TNFRSF19: variants seen among roughly 807,000 people sequenced by gnomAD.
The protein encoded by TNFRSF19 is tumor necrosis factor receptor superfamily member 19.
TNFRSF19 carries 27 observed loss-of-function variants against 46.4 expected under a neutral mutation model. That is an observed-to-expected ratio of 0.58 (90% CI 0.43 to 0.80). The LOEUF is 0.80. TNFRSF19 is among the 30% of genes least tolerant of loss of function. TNFRSF19 has a pLI of 0.00. For synonymous variants in TNFRSF19, 204 were observed against 205.0 expected, an observed-to-expected ratio of 1.00 and a Z score of 0.04; for missense variants, 511 against 530.8, an observed-to-expected ratio of 0.96 and a Z score of 0.37.
At chr13:23,600,641 C>T (rs1880073570) in intron 3 of TNFRSF19, among the ~76,000 whole-genome samples, 1 of 152,184 alleles carries the variant, frequency 6.6e-6, no homozygotes, top group African/African-American at 2.4e-5. Flanking sequence ...GAAACACATA[C>T]ACCAAAGGCT....
intron 4 of TNFRSF19, among the ~76,000 whole-genome samples, chr13:23,618,448 C>T (rs1298775657): frequency 6.6e-6 from 1 of 152,156 alleles, no homozygotes; most frequent in East Asian, 1.9e-4. Flanking sequence ...CCACATTCTT[C>T]AACCCCACTA....
intron 1 of TNFRSF19, among the ~76,000 whole-genome samples, chr13:23,572,308 A>G (rs1235903294): frequency 6.6e-6 from 1 of 152,074 alleles, no homozygotes; most frequent in Non-Finnish European, 1.5e-5. Flanking sequence ...TGTTCACAAT[A>G]TCCTGCAATA....
chr13:23,610,603 C>CT (rs1880831850), intron 3 of TNFRSF19, among the ~76,000 whole-genome samples: 1 of 151,442 alleles, frequency 6.6e-6, no homozygotes, highest in African/African-American at 2.4e-5. Flanking sequence ...CAAGCTATTG[C>CT]TCCCTAGGAT....
chr13:23,668,134 A>C, intron 8 of TNFRSF19, 52 bp downstream of exon 8: 1 of 1,415,428 alleles, frequency 7.1e-7, no homozygotes, highest in Non-Finnish European at 9.6e-7. Context: ...GCAAATATGC[A>C]TTCTACTAAT....
chr13:23,580,319 C>T (rs1443556596), intron 1 of TNFRSF19, among the ~76,000 whole-genome samples: 2 of 137,384 alleles, frequency 1.5e-5, no homozygotes, highest in African/African-American at 5.3e-5. Context: ...CACCATTGTT[C>T]AGTGTTTCTT....
rs1880378023 is a variant in TNFRSF19, at chr13:23,604,426, G to A, written c.180+10971G>A. 5.9e-5 allele frequency among the ~76,000 whole-genome samples: 9 copies of A among 152,150 alleles called. No individual in the cohort carries two copies. The South Asian group carries it at 1.9e-3, about 32-fold the overall frequency. Reference sequence around the variant, plus strand: ...GATTCAATATTGTCAAGATGTCAGTGTTTCTCAACTTGATTTATAGATTCA... The same window carrying A: ...GATTCAATATTGTCAAGATGTCAGTATTTCTCAACTTGATTTATAGATTCA... On this transcript the variant is annotated intron_variant, in intron 3 of 9. Transcript: ENST00000248484.
chr13:23,661,094 T>C (rs1443252789), intron 7 of TNFRSF19, among the ~76,000 whole-genome samples: 1 of 152,178 alleles, frequency 6.6e-6, no homozygotes, highest in Admixed American at 6.5e-5. Flanking sequence ...TGCAGGTTTG[T>C]TATATAGGTA....
At chr13:23,645,935 TAGAC>T (rs2138350613) in intron 5 of TNFRSF19, among the ~76,000 whole-genome samples, 1 of 152,310 alleles carries the variant, frequency 6.6e-6, no homozygotes, top group Admixed American at 6.5e-5. Context: ...CATAAATTAA[TAGAC>T]AGCACCTAAT....
Position 23,581,493 on chromosome 13 carries a change from A to C in TNFRSF19, c.-34-8657A>C, listed in dbSNP as rs375045007. On this transcript the variant is annotated intron_variant, in intron 1 of 9. Coordinates refer to ENST00000248484, the MANE Select transcript of TNFRSF19 (RefSeq NM_148957.4). Reference sequence around the variant, plus strand: ...GAAGACTGAATAAGGAACATTGCTCACATGTAAAAGTAGCTGTAAAAGAGA... The same window carrying C: ...GAAGACTGAATAAGGAACATTGCTCCCATGTAAAAGTAGCTGTAAAAGAGA... Among the ~76,000 whole-genome samples, 407 of 152,256 alleles carry C rather than the reference A, an allele frequency of 2.7e-3. 21 individuals carry two copies. The South Asian group carries it at 0.08, about 30-fold the overall frequency.
At chr13:23,588,929 G>C (rs1375834267) in intron 1 of TNFRSF19, among the ~76,000 whole-genome samples, 1 of 152,236 alleles carries the variant, frequency 6.6e-6, no homozygotes, top group Non-Finnish European at 1.5e-5. Context: ...CAGTGGACGT[G>C]GTTCATCTGG....
At chr13:23,629,237 T>A (rs1031347337) in intron 5 of TNFRSF19, among the ~76,000 whole-genome samples, 1 of 152,188 alleles carries the variant, frequency 6.6e-6, no homozygotes, top group African/African-American at 2.4e-5. Flanking sequence ...TTCAAGGACA[T>A]GCCTGGTAGT....
At chr13:23,633,109 G>T (rs562216172) in intron 5 of TNFRSF19, among the ~76,000 whole-genome samples, 2 of 114,570 alleles carry the variant, frequency 1.7e-5, no homozygotes, top group African/African-American at 3.1e-5. Context: ...ACTTGTTGAC[G>T]TCTTTTTTTT....
At chr13:23,581,312 A>AT (rs879629909) in intron 1 of TNFRSF19, among the ~76,000 whole-genome samples, 33 of 151,618 alleles carry the variant, frequency 2.2e-4, no homozygotes, top group Middle Eastern at 3.4e-3. Context: ...CACCCGGCTA[A>AT]TTTTTTTGTA....
At chr13:23,622,146 G>A (rs954835728) in intron 4 of TNFRSF19, among the ~76,000 whole-genome samples, 1 of 152,172 alleles carries the variant, frequency 6.6e-6, no homozygotes, top group Admixed American at 6.5e-5. Flanking sequence ...GGTCACACCT[G>A]TAATCCCAGC....
chr13:23,611,126 G>GCACA (rs34837771), intron 3 of TNFRSF19, among the ~76,000 whole-genome samples: 5,645 of 147,712 alleles, frequency 0.038, 241 homozygotes, highest in African/African-American at 0.11. Context: ...ACACACATGT[G>GCACA]CACACACACA....
chr13:23,571,488 T>G (rs1877628694), intron 1 of TNFRSF19, among the ~76,000 whole-genome samples: 1 of 152,186 alleles, frequency 6.6e-6, no homozygotes, highest in African/African-American at 2.4e-5. Flanking sequence ...AATACTCCAG[T>G]GATTTTCTAT....
chr13:23,591,333 A>C (rs1157228505), intron 2 of TNFRSF19, among the ~76,000 whole-genome samples: 1 of 152,118 alleles, frequency 6.6e-6, no homozygotes, highest in Admixed American at 6.5e-5. Context: ...CACACCTGTA[A>C]TCCTAGCTAC....
intron 5 of TNFRSF19, among the ~76,000 whole-genome samples, chr13:23,633,726 G>A (rs934700478): frequency 4.6e-5 from 7 of 152,172 alleles, no homozygotes; most frequent in African/African-American, 9.7e-5. Context: ...GCAGTCACCC[G>A]TAATCCCAGC....
intron 5 of TNFRSF19, among the ~76,000 whole-genome samples, chr13:23,653,461 C>A (rs774569370): frequency 1.3e-5 from 2 of 152,158 alleles, no homozygotes; most frequent in Non-Finnish European, 1.5e-5. Flanking sequence ...GAAGAGAAAG[C>A]AGGGCAGTGG....
Sources: allele counts gnomAD v4.1 joint callset (sites outside exome capture counted in the v4.1 genomes callset), GRCh38; gene constraint gnomAD v4.1.1; transcripts MANE v1.5; gene names NCBI Gene and HGNC (gene_info 2026-07-23, HGNC 2026-07-21).